Variants in TEAD3 observed in about 807,000 individuals in gnomAD.
TEAD3 encodes the protein TEA domain transcription factor 3, also known as transcriptional enhancer factor TEF-5.
In TEAD3, 15 loss-of-function variants were observed where a neutral mutation model predicts 55.6. The observed-to-expected ratio is 0.27, with a 90% CI of 0.18 to 0.42. TEAD3 has a LOEUF of 0.42. Among genes scored for constraint, TEAD3 ranks in the 10% least tolerant of loss-of-function variants. The pLI, the probability that TEAD3 is intolerant of heterozygous loss-of-function variation, is 1.00. For missense variants in TEAD3, 407 were observed against 576.8 expected (o/e 0.71, Z 3.01); for synonymous variants, 210 against 232.2 (o/e 0.90, Z 0.87).
chr6:35,478,667 T>C, intron 5 of TEAD3, 96 bp from the exon 6 acceptor site: 1 of 1,432,496 alleles, frequency 7.0e-7, no homozygotes, highest in East Asian at 2.5e-5. Context: ...TCCAAAGCAC[T>C]AGGATGGCAG....
At position 35,485,083 on chromosome 6, in the gene TEAD3, G is replaced by A. The variant is rs552102346; in HGVS notation, c.203-459C>T. 8.5e-5 allele frequency among the ~76,000 whole-genome samples: 13 copies of A among 152,304 alleles called. No individual in the cohort carries two copies. Among genetic ancestry groups the A allele is most frequent in the African/African-American group, 3.1e-4 (13 of 41,554 alleles). ...CATGGATTTGTGGGGGCGTGTGAAT[G>A]AGCCTGCCCCAGGTGGATGTCCTGC... is the stretch of plus-strand genomic sequence containing the variant. On this transcript the variant is annotated intron_variant, in intron 2 of 12. Transcript: ENST00000639578. This position sits in a 1 kb window ranked among gnomAD's most constrained non-coding sequence, Gnocchi z 4.3.
At chr6:35,494,543 C>T (rs1003191669) in intron 1 of TEAD3, among the ~76,000 whole-genome samples, 5 of 152,296 alleles carry the variant, frequency 3.3e-5, no homozygotes, top group Admixed American at 6.5e-5. Flanking sequence ...AGAGGCAGAT[C>T]CTCAGGGCCA....
downstream of TEAD3, chr6:35,473,912 C>G (rs1768087135): frequency 6.6e-6 from 1 of 152,374 alleles, no homozygotes; most frequent in Non-Finnish European, 1.5e-5. Flanking sequence ...GCTGGACAGG[C>G]CCAGCTGGCT....
chr6:35,481,876 A>ATTCT (rs1425839451), intron 3 of TEAD3, among the ~76,000 whole-genome samples: 1 of 152,262 alleles, frequency 6.6e-6, no homozygotes, highest in Non-Finnish European at 1.5e-5. Flanking sequence ...ACAGAGCTTC[A>ATTCT]TTCTAACTTA....
In TEAD3 at chr6:35,476,187, G is replaced by A. The variant is rs186595734; in HGVS notation, c.727-95C>T. On this transcript the variant is annotated intron_variant, in intron 9 of 12. Transcript: ENST00000639578. Reference sequence around the variant, plus strand: ...ACTGCACAGGTATAGAATTGCCTAGGGCTTCCTGAACAGGCCAGACCCCCA... The same window carrying A: ...ACTGCACAGGTATAGAATTGCCTAGAGCTTCCTGAACAGGCCAGACCCCCA... The A allele has an allele frequency of 2.7e-5, 41 of 1,544,752 alleles. No individual in the cohort carries two copies. In the East Asian group the frequency reaches 9.3e-4, roughly 35 times the overall value.
intron 4 of TEAD3, chr6:35,480,046 C>T: frequency 6.7e-7 from 1 of 1,497,182 alleles, no homozygotes; most frequent in South Asian, 1.2e-5. Flanking sequence ...GGCCAGGTGG[C>T]AGGGGCCCCG....
Position 35,490,427 on chromosome 6 carries a change from G to A in TEAD3, c.-49-3716C>T, listed in dbSNP as rs150624230. ...CCCTTCGGCTGGCTCCTAGACGCAT[G>A]CGAGACTCACTTTCTAGGAACGCTC... On this transcript the variant is annotated intron_variant, in intron 1 of 12. Coordinates refer to ENST00000639578, the Ensembl canonical transcript of TEAD3. 6.0e-3 allele frequency among the ~76,000 whole-genome samples: 909 copies of A among 152,336 alleles called. 5 individuals are homozygous for A. Among genetic ancestry groups the A allele is most frequent in the Middle Eastern group, 0.034 (10 of 294 alleles).
intron 1 of TEAD3, among the ~76,000 whole-genome samples, chr6:35,492,949 T>C (rs1215301116): frequency 2.0e-5 from 3 of 152,092 alleles, no homozygotes; most frequent in African/African-American, 4.8e-5. Context: ...AGACAGACTA[T>C]AGGGGGTCAC....
chr6:35,486,404 A>G lies in TEAD3; in HGVS notation c.202+57T>C. On this transcript the variant is annotated intron_variant, in intron 2 of 12. Transcript: ENST00000639578. This position sits in a 1 kb window ranked among gnomAD's most constrained non-coding sequence, Gnocchi z 7.3. Reference sequence around the variant, plus strand: ...CCGACGTCACCAAACCGGTTGGGTGAGAGGGCAGAGAGCAGGGGGAAGGGC... The same window carrying G: ...CCGACGTCACCAAACCGGTTGGGTGGGAGGGCAGAGAGCAGGGGGAAGGGC... 1 of 1,557,532 alleles carries G rather than the reference A, an allele frequency of 6.4e-7. No individual in the cohort carries two copies. The highest frequency in any genetic ancestry group is 8.7e-7 in the Non-Finnish European group (1 of 1,147,390).
In TEAD3 at chr6:35,483,909, G is replaced by C; in HGVS notation, c.267+651C>G. Among the ~76,000 whole-genome samples the C allele has an allele frequency of 6.6e-6, 1 of 152,122 alleles. No homozygotes were observed. Among genetic ancestry groups the C allele is most frequent in the Admixed American group, 6.5e-5 (1 of 15,272 alleles). Reference sequence around the variant, plus strand: ...GACAATTACTGTACCTATCTAGTAAGGTTACTGAGAGGATGAAATAAATTA... The same window carrying C: ...GACAATTACTGTACCTATCTAGTAACGTTACTGAGAGGATGAAATAAATTA... On this transcript the variant is annotated intron_variant, in intron 3 of 12. Transcript: ENST00000639578. The surrounding 1 kb of genome is among the most constrained non-coding windows in gnomAD (Gnocchi z 4.5).
In TEAD3 at chr6:35,475,232, T is replaced by C; in HGVS notation, c.1195-75A>G. The C allele has an allele frequency of 6.3e-7, 1 of 1,588,376 alleles. No homozygotes were observed. Among genetic ancestry groups the C allele is most frequent in the Non-Finnish European group, 8.6e-7 (1 of 1,165,988 alleles). On this transcript the variant is annotated intron_variant, in intron 12 of 12. Coordinates refer to ENST00000639578, the Ensembl canonical transcript of TEAD3. This position sits in a 1 kb window ranked among gnomAD's most constrained non-coding sequence, Gnocchi z 5.4. ...ACGGGGCAGGGGGCTGAACAGACCA[T>C]TCTCCTTTCCGGATCTATGCCTCTC...
Position 35,486,588 on chromosome 6 carries a change from C to T in TEAD3, c.75G>A (p.Lys25=). 6.2e-7 allele frequency: 1 copy of T among 1,613,554 alleles called. No homozygotes were observed. The highest frequency in any genetic ancestry group is 8.5e-7 in the Non-Finnish European group (1 of 1,179,794). Residue 25 remains lysine (K), a synonymous_variant, in exon 2 of 13, where the codon AAG becomes AAA. Coordinates refer to ENST00000639578, the Ensembl canonical transcript of TEAD3. The surrounding 1 kb of genome is among the most constrained non-coding windows in gnomAD (Gnocchi z 7.3). Reference sequence around the variant, plus strand: ...CGCCCTCCGCATCGTTGTCCAGCCCCTTGTCCAGGCCCTCGGGCCCATCCT... The same window carrying T: ...CGCCCTCCGCATCGTTGTCCAGCCCTTTGTCCAGGCCCTCGGGCCCATCCT...
chr6:35,477,239 C>T (rs1429973410), intron 8 of TEAD3, 72 bp downstream of exon 8: 1 of 1,543,960 alleles, frequency 6.5e-7, no homozygotes, highest in African/African-American at 1.4e-5. Context: ...AGCAAACACA[C>T]ACAGTTGGAC....
At position 35,475,769 on chromosome 6, in the gene TEAD3, C is replaced by T. The variant is rs891782017; in HGVS notation, c.901-63G>A. ...GACCAGAAGTATTCCCGCCACACCA[C>T]ATCAGAGTCCTGCCCAAGGATCCAT... On this transcript the variant is annotated intron_variant, in intron 10 of 12. Coordinates refer to ENST00000639578, the Ensembl canonical transcript of TEAD3. This position sits in a 1 kb window ranked among gnomAD's most constrained non-coding sequence, Gnocchi z 5.4. 1.3e-6 allele frequency: 2 copies of T among 1,522,894 alleles called. No homozygotes were observed. Among genetic ancestry groups the T allele is most frequent in the African/African-American group, 1.4e-5 (1 of 72,228 alleles). The allele number at this position is 1,522,894 out of a possible 1,614,324, so 94.3% of individuals were successfully genotyped here. A position where few individuals can be genotyped will look rare whatever the true frequency, so the allele number is the denominator to read the frequency against.
At chr6:35,490,192 C>G (rs531794960) in intron 1 of TEAD3, among the ~76,000 whole-genome samples, 26 of 152,312 alleles carry the variant, frequency 1.7e-4, no homozygotes, top group Admixed American at 6.5e-4. Flanking sequence ...GCTGTGGCCC[C>G]CCCTTCTTAG....
In TEAD3 at chr6:35,480,387, C is replaced by G. The variant is rs1212249696; in HGVS notation, c.268-265G>C. The G allele has an allele frequency of 6.2e-7, 1 of 1,613,468 alleles. No individual in the cohort carries two copies. Among genetic ancestry groups the G allele is most frequent in the East Asian group, 2.2e-5 (1 of 44,870 alleles). Reference sequence around the variant, plus strand: ...TGTGGCTGGACACCTAGGGGCCGCCCCGCGCCCCGCCAGAGAGGAAAACAT... The same window carrying G: ...TGTGGCTGGACACCTAGGGGCCGCCGCGCGCCCCGCCAGAGAGGAAAACAT... On this transcript the variant is annotated intron_variant, in intron 3 of 12. Coordinates refer to ENST00000639578, the Ensembl canonical transcript of TEAD3.
Position 35,484,175 on chromosome 6 carries a change from C to T in TEAD3, c.267+385G>A, listed in dbSNP as rs948551429. ...CCCTGCACCCACCCTCTCTCAGCCC[C>T]GCCACCTTGCTCTGTACCCATCCAT... On this transcript the variant is annotated intron_variant, in intron 3 of 12. Transcript: ENST00000639578. The surrounding 1 kb of genome is among the most constrained non-coding windows in gnomAD (Gnocchi z 5.8). 8.5e-5 allele frequency among the ~76,000 whole-genome samples: 13 copies of T among 152,190 alleles called. No individual in the cohort carries two copies. In the South Asian group the frequency reaches 1.7e-3, roughly 19 times the overall value.
chr6:35,494,813 T>C (rs531566753), intron 1 of TEAD3, among the ~76,000 whole-genome samples: 2 of 151,940 alleles, frequency 1.3e-5, no homozygotes, highest in Admixed American at 6.6e-5. Flanking sequence ...ACAGAACCCA[T>C]GACCACTTCA....
rs746390712 is a variant in TEAD3, at chr6:35,486,446, C to T, written c.202+15G>A. On this transcript the variant is annotated intron_variant, in intron 2 of 12. Transcript: ENST00000639578. The surrounding 1 kb of genome is among the most constrained non-coding windows in gnomAD (Gnocchi z 7.3). ...GGGAAGGGCCGCAGTCCCGCCCGCG[C>T]CCCCCGGCACGCACCGTACATCTTG... 1.2e-6 allele frequency: 2 copies of T among 1,601,660 alleles called. No individual in the cohort carries two copies. The highest frequency in any genetic ancestry group is 2.2e-5 in the South Asian group (2 of 90,394).
Sources: gnomAD v4.1 joint callset for allele counts (sites outside exome capture counted in the v4.1 genomes callset) on GRCh38, gnomAD v4.1.1 for gene constraint, Gnocchi (gnomAD v3.1) non-coding constraint, MANE v1.5 for transcripts, NCBI Gene and HGNC (gene_info 2026-07-23, HGNC 2026-07-21) for gene names.